CLIC5: variants seen among roughly 807,000 people sequenced by gnomAD.
CLIC5 encodes chloride intracellular channel protein 5.
Under a neutral mutation model 24.7 loss-of-function variants are expected in CLIC5, and 20 were observed. That is an observed-to-expected ratio of 0.81 (90% confidence interval 0.57 to 1.18). The LOEUF (loss-of-function observed/expected upper bound fraction) is 1.18, where lower values mean the gene tolerates loss of function less well. Ranked by LOEUF, CLIC5 falls within the 50% of genes most tolerant of loss-of-function variation. CLIC5 has a pLI of 0.00. For missense variants in CLIC5, 341 were observed against 326.1 expected (o/e 1.05, Z -0.35); for synonymous variants, 159 against 135.6 (o/e 1.17, Z -1.20).
the CLIC5 span, among the ~76,000 whole-genome samples, chr6:46,101,463 T>C: frequency 3.2e-4 from 48 of 152,362 alleles, no homozygotes; most frequent in South Asian, 9.1e-3. Flanking sequence ...TGTGTTCAGA[T>C]GAACTGAGCA....
chr6:45,993,939 T>C (rs1445588762), intron 1 of CLIC5, among the ~76,000 whole-genome samples: 2 of 152,182 alleles, frequency 1.3e-5, no homozygotes, highest in East Asian at 3.8e-4. Flanking sequence ...CATTGCTCTG[T>C]TGGGGAAGTT....
intron 5 of CLIC5, among the ~76,000 whole-genome samples, chr6:45,903,711 A>G (rs1762572492): frequency 6.6e-6 from 1 of 152,242 alleles, no homozygotes; most frequent in South Asian, 2.1e-4. Context: ...AAGATAGACT[A>G]TTACATTTAA....
intron 1 of CLIC5, among the ~76,000 whole-genome samples, chr6:45,993,327 G>T (rs993689971): frequency 1.3e-5 from 2 of 152,304 alleles, no homozygotes; most frequent in Non-Finnish European, 2.9e-5. Flanking sequence ...GGAACCATTA[G>T]CATGTTTAAT....
chr6:46,040,700 G>A (rs1289620935), intron 1 of CLIC5, among the ~76,000 whole-genome samples: 1 of 152,120 alleles, frequency 6.6e-6, no homozygotes, highest in African/African-American at 2.4e-5. Context: ...TGTTGATGAA[G>A]GAGATGGTGA....
the CLIC5 span, among the ~76,000 whole-genome samples, chr6:46,102,046 T>C: frequency 6.6e-6 from 1 of 152,126 alleles, no homozygotes; most frequent in South Asian, 2.1e-4. Context: ...CTAGGTTATA[T>C]TAATTTCACG....
chr6:46,121,189 G>C, the CLIC5 span, among the ~76,000 whole-genome samples: 24 of 143,058 alleles, frequency 1.7e-4, no homozygotes, highest in Non-Finnish European at 3.2e-4. Context: ...GAGAAAGGTC[G>C]GGTTACTCAC....
intron 4 of CLIC5, among the ~76,000 whole-genome samples, chr6:45,919,605 G>A (rs1310955285): frequency 6.6e-6 from 1 of 152,028 alleles, no homozygotes; most frequent in Non-Finnish European, 1.5e-5. Flanking sequence ...AGAAAGCCTC[G>A]CGGCCTTGCT....
chr6:45,937,580 T>C (rs1376388334), intron 4 of CLIC5: 2 of 152,242 alleles, frequency 1.3e-5, no homozygotes, highest in Non-Finnish European at 2.9e-5. Context: ...TGTTAGTTCA[T>C]GGAGGGCAAT....
chr6:46,035,852 C>A (rs990213348), intron 1 of CLIC5, among the ~76,000 whole-genome samples: 1 of 152,024 alleles, frequency 6.6e-6, no homozygotes, highest in Admixed American at 6.6e-5. Context: ...TCAACTGATT[C>A]TCCTGCCTCA....
chr6:45,901,571 GA>G lies in CLIC5; in HGVS notation c.*1516del, dbSNP rs761499478. The G allele has an allele frequency of 2.6e-5, 4 of 152,082 alleles. No individual in the cohort carries two copies. The highest frequency in any genetic ancestry group is 5.9e-5 in the Non-Finnish European group (4 of 68,050). The allele number at this position is 152,082 out of a possible 1,614,324, so 9.4% of individuals were successfully genotyped here. A position where few individuals can be genotyped will look rare whatever the true frequency, so the allele number is the denominator to read the frequency against. On this transcript the variant is annotated 3_prime_UTR_variant, in exon 6 of 6. Transcript: ENST00000339561. ...TCACCCTTTACCAGCGAACACTATA[GA>G]AGGGGGATTGTTGAAGGTAAGGGCC...
chr6:45,958,422 TTATATATATATATATATA>T lies in CLIC5; in HGVS notation c.64-3196_64-3179del, dbSNP rs35922936. On this transcript the variant is annotated intron_variant, in intron 1 of 5. Coordinates refer to ENST00000339561, the MANE Select transcript of CLIC5 (RefSeq NM_016929.5). ...AATCAGGGAAGTGTCAAAAAGACAA[TTATATATATATATATATA>T]TATATATATATATATATATATATAT... Among the ~76,000 whole-genome samples the T allele has an allele frequency of 0.016, 134 of 8,374 alleles. 2 individuals carry two copies. In the South Asian group the frequency reaches 0.16, roughly 10 times the overall value. The allele number at this position is 8,374 out of a possible 152,430, so 5.5% of individuals were successfully genotyped here.
chr6:45,982,917 C>A (rs1299161395), intron 1 of CLIC5, among the ~76,000 whole-genome samples: 1 of 152,090 alleles, frequency 6.6e-6, no homozygotes, highest in African/African-American at 2.4e-5. Context: ...TTTGTAAGAG[C>A]TGAAAAGAAT....
chr6:45,916,856 A>T (rs894530093), intron 4 of CLIC5, among the ~76,000 whole-genome samples: 2 of 152,202 alleles, frequency 1.3e-5, no homozygotes, highest in Non-Finnish European at 2.9e-5. Flanking sequence ...CCCTCTGTGT[A>T]TCAGTCTCCT....
At chr6:46,050,907 A>G (rs896709384) in intron 1 of CLIC5, among the ~76,000 whole-genome samples, 3 of 150,132 alleles carry the variant, frequency 2.0e-5, no homozygotes, top group Non-Finnish European at 3.0e-5. Context: ...TTTGAGGTGA[A>G]AGGACAGAAT....
At chr6:46,025,580 C>G (rs1031847176) in intron 1 of CLIC5, among the ~76,000 whole-genome samples, 1 of 151,946 alleles carries the variant, frequency 6.6e-6, no homozygotes, top group Non-Finnish European at 1.5e-5. Context: ...AATAGTAAAC[C>G]AAAGAAATAA....
chr6:45,894,799 A>G (rs1444683032), downstream of CLIC5, among the ~76,000 whole-genome samples: 1 of 152,234 alleles, frequency 6.6e-6, no homozygotes, highest in African/African-American at 2.4e-5. Flanking sequence ...ATAATGTAAA[A>G]GCTTTGAATC....
At chr6:46,044,484 G>GA (rs1767901706) in intron 1 of CLIC5, among the ~76,000 whole-genome samples, 1 of 152,160 alleles carries the variant, frequency 6.6e-6, no homozygotes, top group Admixed American at 6.5e-5. Context: ...CATAAATTTG[G>GA]AAATTTTGCA....
chr6:46,012,210 T>G (rs1427722144), intron 1 of CLIC5, among the ~76,000 whole-genome samples: 1 of 152,192 alleles, frequency 6.6e-6, no homozygotes, highest in Non-Finnish European at 1.5e-5. Context: ...ATGGTCTCCT[T>G]ATTTATAACC....
Position 45,973,705 on chromosome 6 carries a change from G to A in CLIC5, c.64-18461C>T, listed in dbSNP as rs951224878. On this transcript the variant is annotated intron_variant, in intron 1 of 5. Transcript: ENST00000339561. The stretch of plus-strand genomic sequence containing the variant: ...TGTAATCCCAGCACTTTGGGAGGCC[G>A]AGGCGGGCGGATCATGAGATCAAGA... Among the ~76,000 whole-genome samples, 12 of 152,290 alleles carry A rather than the reference G, an allele frequency of 7.9e-5. 1 individual carries two copies. Among genetic ancestry groups the A allele is most frequent in the African/African-American group, 9.6e-5 (4 of 41,568 alleles).
Sources: gnomAD v4.1 joint callset for allele counts (sites outside exome capture counted in the v4.1 genomes callset) on GRCh38, gnomAD v4.1.1 for gene constraint, MANE v1.5 for transcripts, NCBI Gene and HGNC (gene_info 2026-07-23, HGNC 2026-07-21) for gene names.